The following RTN4R variants were observed in gnomAD, a reference collection of about 807,000 sequenced individuals.
RTN4R encodes the protein reticulon 4 receptor, also known as reticulon-4 receptor.
In RTN4R, 4 loss-of-function variants were observed where a neutral mutation model predicts 27.7. The ratio of observed to expected loss-of-function variants is 0.14; its 90% CI spans 0.07 to 0.33. The LOEUF (loss-of-function observed/expected upper bound fraction) is 0.33, where lower values mean the gene tolerates loss of function less well. Ranked by LOEUF, RTN4R falls within the 10% of genes least tolerant of loss-of-function variation. RTN4R has a pLI of 1.00. For missense variants in RTN4R, 554 were observed against 671.5 expected (o/e 0.83, Z 1.93); for synonymous variants, 290 against 305.6 (o/e 0.95, Z 0.53).
intron 1 of RTN4R, 121 bp downstream of exon 1, chr22:20,267,950 C>T: frequency 1.9e-6 from 1 of 529,014 alleles, no homozygotes. Flanking sequence ...TTCCCTGCCG[C>T]CCGGCTACGC....
intron 1 of RTN4R, among the ~76,000 whole-genome samples, chr22:20,245,854 C>G (rs565398723): frequency 6.6e-6 from 1 of 152,348 alleles, no homozygotes; most frequent in South Asian, 2.1e-4. Context: ...GCCCCTTGCA[C>G]ACGGGGTGAG....
chr22:20,261,126 G>A (rs1465956079), intron 1 of RTN4R, among the ~76,000 whole-genome samples: 1 of 152,192 alleles, frequency 6.6e-6, no homozygotes, highest in Non-Finnish European at 1.5e-5. Flanking sequence ...ACCCACCAGG[G>A]TTCAGCAGAG....
intron 1 of RTN4R, among the ~76,000 whole-genome samples, chr22:20,263,100 TAG>T (rs1232560679): frequency 2.6e-5 from 4 of 152,172 alleles, no homozygotes; most frequent in Non-Finnish European, 5.9e-5. Context: ...TGCAAAGAAA[TAG>T]AGTCATAAAT....
chr22:20,243,403 C>G (rs951418374), intron 1 of RTN4R: 9 of 664,058 alleles, frequency 1.4e-5, no homozygotes, highest in Non-Finnish European at 2.6e-5. Context: ...CAGGGGCACT[C>G]ACTTGAAGGC....
Position 20,268,148 on chromosome 22 carries a change from C to A in RTN4R, c.-56G>T. 2.9e-6 allele frequency: 3 copies of A among 1,021,900 alleles called. No individual in the cohort carries two copies. Among genetic ancestry groups the A allele is most frequent in the South Asian group, 4.5e-5 (1 of 22,304 alleles). 63.3% of individuals were successfully genotyped at this position (1,021,900 alleles called of 1,614,324 possible). Reference sequence around the variant, plus strand: ...TGAAAGTCGTTTCGGGGCGGGCGCCCGTCTCCCCGCGGCCGGGTCCGCATC... The same window carrying A: ...TGAAAGTCGTTTCGGGGCGGGCGCCAGTCTCCCCGCGGCCGGGTCCGCATC... On this transcript the variant is annotated 5_prime_UTR_variant, in exon 1 of 2. Transcript: ENST00000043402.
intron 1 of RTN4R, chr22:20,267,792 A>G: frequency 2.6e-6 from 1 of 383,510 alleles, no homozygotes; most frequent in East Asian, 9.6e-5. Flanking sequence ...GACTTGGCCC[A>G]GCATCGGGGA....
rs1372796181 is a variant in RTN4R, at chr22:20,255,112, C to T, written c.23-12002G>A. Among the ~76,000 whole-genome samples the T allele has an allele frequency of 6.6e-6, 1 of 152,162 alleles. No individual in the cohort carries two copies. The highest frequency in any genetic ancestry group is 1.9e-4 in the East Asian group (1 of 5,194). On this transcript the variant is annotated intron_variant, in intron 1 of 1. Transcript: ENST00000043402. The surrounding 1 kb of genome is among the most constrained non-coding windows in gnomAD (Gnocchi z 4.8). Reference sequence around the variant, plus strand: ...GGAACAGAGGCGACAGTGGCTGCCTCCCAGGAGGACGCGGGGCAGGGGCAG... The same window carrying T: ...GGAACAGAGGCGACAGTGGCTGCCTTCCAGGAGGACGCGGGGCAGGGGCAG...
rs1205851081 is a variant in RTN4R at position 20,255,457 on chromosome 22, G to A, written c.23-12347C>T. ...CATGCTGCTTTTTGGTCCCCTGCTC[G>A]GCCAAGGGTGGCTGAGGATACATCT... is the stretch of plus-strand genomic sequence containing the variant. On this transcript the variant is annotated intron_variant, in intron 1 of 1. Coordinates refer to ENST00000043402, the MANE Select transcript of RTN4R (RefSeq NM_023004.6). This position sits in a 1 kb window ranked among gnomAD's most constrained non-coding sequence, Gnocchi z 4.8. Among the ~76,000 whole-genome samples, 3 of 152,132 alleles carry A rather than the reference G, an allele frequency of 2.0e-5. No homozygotes were observed. The highest frequency in any genetic ancestry group is 6.5e-5 in the Admixed American group (1 of 15,284).
At chr22:20,245,789 GTC>G (rs2051137202) in intron 1 of RTN4R, among the ~76,000 whole-genome samples, 1 of 152,144 alleles carries the variant, frequency 6.6e-6, no homozygotes, top group African/African-American at 2.4e-5. Flanking sequence ...CTCTCACCCA[GTC>G]TCACCCTGGC....
chr22:20,262,980 C>T (rs1460939765), intron 1 of RTN4R, among the ~76,000 whole-genome samples: 1 of 152,242 alleles, frequency 6.6e-6, no homozygotes, highest in Non-Finnish European at 1.5e-5. Context: ...CTGGAGCCCA[C>T]CCTGGCCTGA....
intron 1 of RTN4R, among the ~76,000 whole-genome samples, chr22:20,248,693 G>A (rs1003460537): frequency 4.6e-5 from 7 of 152,172 alleles, no homozygotes; most frequent in Non-Finnish European, 1.0e-4. Flanking sequence ...CAGCCACCCT[G>A]CTGCATGGCA....
chr22:20,252,180 C>T (rs578198050), intron 1 of RTN4R, among the ~76,000 whole-genome samples: 1 of 111,376 alleles, frequency 9.0e-6, no homozygotes, highest in African/African-American at 3.3e-5. Context: ...TCATCATCAT[C>T]ACCGTCATCA....
At chr22:20,256,609 G>C (rs1011650185) in intron 1 of RTN4R, among the ~76,000 whole-genome samples, 3 of 152,156 alleles carry the variant, frequency 2.0e-5, no homozygotes, top group African/African-American at 7.2e-5. Context: ...CACCTCTTCT[G>C]TTAATGCATA....
At chr22:20,245,069 G>C (rs148788389) in intron 1 of RTN4R, among the ~76,000 whole-genome samples, 5 of 152,320 alleles carry the variant, frequency 3.3e-5, no homozygotes, top group African/African-American at 1.2e-4. Context: ...TGTGCTCATG[G>C]ATCTCCCTCC....
At chr22:20,250,910 G>C (rs998912911) in intron 1 of RTN4R, among the ~76,000 whole-genome samples, 1 of 152,176 alleles carries the variant, frequency 6.6e-6, no homozygotes, top group Admixed American at 6.5e-5. Context: ...TAAGGAGAGG[G>C]GGACAGCAGA....
rs1602636479 is a variant in RTN4R, at chr22:20,242,417, G to A, written c.716C>T (p.Ser239Leu). The stretch of plus-strand genomic sequence containing the variant: ...GGCCAGGGCCTCAGTGGGCAGCGCT[G>A]ATAGATTGTTGGCAAACAGATAGAG... ...MTLYLFANNL[S>L]ALPTEALAPL... The change falls in exon 2 of 2, where the codon TCA becomes TTA. Residue 239 changes from serine to leucine, a missense_variant. Physicochemically the swap from Ser to Leu is moderately radical, Grantham distance 145 (BLOSUM62 -2). Around this residue, in one of 2 missense-constraint regions of RTN4R, gnomAD observed 413 missense variants for 542.3 expected, o/e 0.76. Transcript: ENST00000043402. The A allele has an allele frequency of 6.2e-7, 1 of 1,613,332 alleles. No individual in the cohort carries two copies. The highest frequency in any genetic ancestry group is 1.3e-5 in the African/African-American group (1 of 75,034).
intron 1 of RTN4R, among the ~76,000 whole-genome samples, chr22:20,266,923 G>A (rs1007385583): frequency 2.6e-5 from 4 of 152,266 alleles, no homozygotes; most frequent in African/African-American, 9.6e-5. Flanking sequence ...AGGACACGGA[G>A]GCAGGCAGGC....
At position 20,268,243 on chromosome 22, in the gene RTN4R, G is replaced by A. The variant is rs2051291323; in HGVS notation, c.-151C>T. The A allele has an allele frequency of 1.1e-5, 1 of 87,128 alleles. No individual in the cohort carries two copies. Among genetic ancestry groups the A allele is most frequent in the Non-Finnish European group, 1.8e-5 (1 of 55,406 alleles). The allele number at this position is 87,128 out of a possible 1,614,324, so 5.4% of individuals were successfully genotyped here. Reference sequence around the variant, plus strand: ...AGGCTCGGCGCGCTCCGCTCCGCCCGGCTCTGGCTGGGCTCGGGCCGCGGG... The same window carrying A: ...AGGCTCGGCGCGCTCCGCTCCGCCCAGCTCTGGCTGGGCTCGGGCCGCGGG... On this transcript the variant is annotated 5_prime_UTR_variant, in exon 1 of 2. Transcript: ENST00000043402.
intron 1 of RTN4R, among the ~76,000 whole-genome samples, chr22:20,249,565 C>T (rs2051162911): frequency 6.6e-6 from 1 of 152,176 alleles, no homozygotes; most frequent in South Asian, 2.1e-4. Context: ...CAATGGGACC[C>T]CTGGGGGTGC....
Sources: gnomAD v4.1 joint callset for allele counts (sites outside exome capture counted in the v4.1 genomes callset) on GRCh38, gnomAD v4.1.1 for gene constraint, gnomAD v4.1.1 regional missense constraint, Gnocchi (gnomAD v3.1) non-coding constraint, MANE v1.5 for transcripts, NCBI Gene and HGNC (gene_info 2026-07-23, HGNC 2026-07-21) for gene names.